TCHP: variants seen among roughly 807,000 people sequenced by gnomAD.
The protein encoded by TCHP is trichoplein keratin filament binding.
TCHP carries 81 observed loss-of-function variants against 88.7 expected under a neutral mutation model. The observed-to-expected ratio is 0.91, with a 90% CI of 0.76 to 1.10. TCHP has a LOEUF of 1.10. TCHP is among the 50% of genes least tolerant of loss of function. The pLI is 0.00. For synonymous variants in TCHP, 232 were observed against 232.5 expected (o/e 1.00, Z 0.02); for missense variants, 641 against 632.1 (o/e 1.01, Z -0.15).
upstream of TCHP, among the ~76,000 whole-genome samples, chr12:109,896,507 A>C (rs1869560652): frequency 6.6e-6 from 1 of 152,222 alleles, no homozygotes; most frequent in East Asian, 1.9e-4. Flanking sequence ...GCAGGTGTTC[A>C]AGAAATGCTC....
chr12:109,907,424 G>A, intron 5 of TCHP, 102 bp from the exon 6 acceptor site: 1 of 1,226,426 alleles, frequency 8.2e-7, no homozygotes, highest in South Asian at 1.5e-5. Context: ...GATTCAGGCA[G>A]GAACTGCCTG....
rs902912125 is a variant in TCHP, at chr12:109,912,926, T to C, written c.1053-65T>C. ...GCCATGTGCCCTGCAGCCCTGTCTG[T>C]TCCGTAGCTCGCTTCCTGCCAGGGC... On this transcript the variant is annotated intron_variant, in intron 9 of 12. Transcript: ENST00000405876. 4.3e-6 allele frequency: 6 copies of C among 1,405,598 alleles called. No individual in the cohort carries two copies. In the Admixed American group the frequency reaches 8.5e-5, roughly 20 times the overall value. 87.1% of individuals were successfully genotyped at this position (1,405,598 alleles called of 1,614,324 possible).
upstream of TCHP, among the ~76,000 whole-genome samples, chr12:109,897,777 C>T (rs548979291): frequency 6.6e-5 from 10 of 152,082 alleles, no homozygotes; most frequent in Non-Finnish European, 1.3e-4. Context: ...AGGCTGGTAT[C>T]GAACTCCTGA....
Position 109,911,180 on chromosome 12 carries a change from G to C in TCHP, c.997G>C (p.Glu333Gln). Residue 333 changes from glutamate to glutamine, a missense_variant, in exon 9 of 13, where the codon GAG (glutamate) becomes CAG (glutamine). By Grantham distance (29) the Glu-to-Gln change is conservative (BLOSUM62 2). Transcript: ENST00000405876. ...ADVAWMKQAI[E>Q]EQLQLERARE... ...TGTGGCCTGGATGAAGCAGGCCATT[G>C]AGGAGCAGCTGCAGCTGGAGCGGGC... 1 of 1,591,930 alleles carries C rather than the reference G, an allele frequency of 6.3e-7. No individual in the cohort carries two copies. Among genetic ancestry groups the C allele is most frequent in the Non-Finnish European group, 8.5e-7 (1 of 1,171,778 alleles).
Position 109,903,817 on chromosome 12 carries a change from G to A in TCHP, c.189-120G>A. 1 of 781,370 alleles carries A rather than the reference G, an allele frequency of 1.3e-6. No individual in the cohort carries two copies. Among genetic ancestry groups the A allele is most frequent in the East Asian group, 2.7e-5 (1 of 37,136 alleles). 48.4% of individuals were successfully genotyped at this position (781,370 alleles called of 1,614,324 possible). A position where few individuals can be genotyped will look rare whatever the true frequency, so the allele number is the denominator to read the frequency against. ...GACCTGCTGTCTCTGCTTTGGCTGG[G>A]GACACATTCCTGTGTCGTCATGACA... is the stretch of plus-strand genomic sequence containing the variant. On this transcript the variant is annotated intron_variant, in intron 2 of 12. Transcript: ENST00000405876. The surrounding 1 kb of genome is among the most constrained non-coding windows in gnomAD (Gnocchi z 4.6).
chr12:109,899,063 C>T (rs972040702), upstream of TCHP, among the ~76,000 whole-genome samples: 1 of 152,156 alleles, frequency 6.6e-6, no homozygotes, highest in African/African-American at 2.4e-5. Flanking sequence ...AGGTAATCCA[C>T]CCTCCTGGGC....
At chr12:109,901,458 C>G (rs906507226) in intron 1 of TCHP, among the ~76,000 whole-genome samples, 1 of 152,146 alleles carries the variant, frequency 6.6e-6, no homozygotes, top group East Asian at 1.9e-4. Context: ...TCAAGGACTC[C>G]TTACCCACCC....
At position 109,903,142 on chromosome 12, in the gene TCHP, G is replaced by GT. The variant is rs1565907957; in HGVS notation, c.118dup (p.Tyr40LeufsTer6). 6.2e-7 allele frequency: 1 copy of GT among 1,614,022 alleles called. No homozygotes were observed. On this transcript the variant is annotated frameshift_variant, in exon 2 of 13. Coordinates refer to ENST00000405876, the MANE Select transcript of TCHP (RefSeq NM_001143852.2). LOFTEE classifies it high-confidence loss of function. The surrounding 1 kb of genome is among the most constrained non-coding windows in gnomAD (Gnocchi z 4.6). ...CGGCAGCAGTGGGAGCAGAACAGCC[G>GT]TTACTTCAGGATGTCTGACATCTGC... is the stretch of plus-strand genomic sequence containing the variant.
chr12:109,888,536 C>CT, the TCHP span: 1 of 152,194 alleles, frequency 6.6e-6, no homozygotes, highest in Non-Finnish European at 1.5e-5. Context: ...ACATCTTCCC[C>CT]AACTGAATCA....
At chr12:109,915,187 C>CA (rs1870737580) in intron 11 of TCHP, 1 of 639,236 alleles carries the variant, frequency 1.6e-6, no homozygotes, top group African/African-American at 1.8e-5. Context: ...AGGTAAGCGC[C>CA]ACGCATACAG....
chr12:109,908,475 G>A (rs758812792), intron 6 of TCHP, 111 bp from the exon 7 acceptor site: 9 of 856,094 alleles, frequency 1.1e-5, no homozygotes, highest in African/African-American at 1.7e-5. Flanking sequence ...CACCTGCATG[G>A]CCAGGCCTCT....
intron 12 of TCHP, 49 bp downstream of exon 12, chr12:109,915,595 C>T (rs1403331226): frequency 3.9e-6 from 6 of 1,556,482 alleles, no homozygotes; most frequent in African/African-American, 1.4e-5. Flanking sequence ...ACAGACTCTG[C>T]CCGGCCCCTG....
At chr12:109,896,750 A>G (rs1434887504), upstream of TCHP, among the ~76,000 whole-genome samples, 2 of 151,732 alleles carry the variant, frequency 1.3e-5, no homozygotes, top group African/African-American at 4.8e-5. Flanking sequence ...AACTCTACTG[A>G]AAAAAAATAC....
chr12:109,914,267 C>A (rs1364523794), intron 10 of TCHP, 175 bp from the exon 11 acceptor site: 25 of 548,892 alleles, frequency 4.6e-5, no homozygotes, highest in Non-Finnish European at 8.1e-5. Context: ...TACTGGCAAG[C>A]GTGGCCGACA....
At chr12:109,908,135 T>A (rs1387967678) in intron 6 of TCHP, among the ~76,000 whole-genome samples, 1 of 152,172 alleles carries the variant, frequency 6.6e-6, no homozygotes, top group Admixed American at 6.5e-5. Flanking sequence ...TTGAAAGAGA[T>A]CTTTCTATTT....
At chr12:109,887,009 G>A in the TCHP span, among the ~76,000 whole-genome samples, 3 of 152,136 alleles carry the variant, frequency 2.0e-5, no homozygotes, top group African/African-American at 7.2e-5. Context: ...GCCCGGCCTA[G>A]ATGTGCTTAT....
chr12:109,910,969 G>C, intron 8 of TCHP, 94 bp from the exon 9 acceptor site: 1 of 1,415,664 alleles, frequency 7.1e-7, no homozygotes, highest in Non-Finnish European at 9.2e-7. Flanking sequence ...GAATGTCTAT[G>C]TAGAAAGGAA....
chr12:109,885,273 G>A, the TCHP span, among the ~76,000 whole-genome samples: 1 of 151,946 alleles, frequency 6.6e-6, no homozygotes, highest in Non-Finnish European at 1.5e-5. Context: ...CCCAGCCCCA[G>A]GACAGTAACT....
chr12:109,915,480 G>A lies in TCHP; in HGVS notation c.1398G>A (p.Glu466=), dbSNP rs756715538. ...EEEEEEARRV[E]QLSDALLQQE... Reference sequence around the variant, plus strand: ...AAGAGGAGGAGGCCCGGCGGGTCGAGCAGCTCTCAGATGCCCTGCTGCAGC... The same window carrying A: ...AAGAGGAGGAGGCCCGGCGGGTCGAACAGCTCTCAGATGCCCTGCTGCAGC... The change falls in exon 12 of 13, where the codon GAG becomes GAA. Residue 466 remains glutamate, a synonymous_variant. Coordinates refer to ENST00000405876, the MANE Select transcript of TCHP (RefSeq NM_001143852.2). 2 of 1,613,992 alleles carry A rather than the reference G, an allele frequency of 1.2e-6. No homozygotes were observed. The highest frequency in any genetic ancestry group is 1.3e-5 in the African/African-American group (1 of 74,930).
Sources: allele counts gnomAD v4.1 joint callset (sites outside exome capture counted in the v4.1 genomes callset), GRCh38; gene constraint gnomAD v4.1.1; non-coding constraint Gnocchi (gnomAD v3.1); transcripts MANE v1.5; gene names NCBI Gene and HGNC (gene_info 2026-07-23, HGNC 2026-07-21).